The following IGF2BP2 variants were observed in gnomAD, a reference collection of about 807,000 sequenced individuals.
The protein encoded by IGF2BP2 is insulin-like growth factor 2 mRNA-binding protein 2.
A neutral mutation model predicts 75.8 loss-of-function variants in IGF2BP2; 17 were observed. The observed-to-expected ratio is 0.22, with a 90% CI of 0.15 to 0.34. The LOEUF is 0.34. Ranked by LOEUF, IGF2BP2 falls within the 10% of genes least tolerant of loss-of-function variation. IGF2BP2 has a pLI of 1.00. For missense variants in IGF2BP2, 516 were observed against 772.4 expected (o/e 0.67, Z 3.93); for synonymous variants, 288 against 295.6 (o/e 0.97, Z 0.26).
intron 2 of IGF2BP2, among the ~76,000 whole-genome samples, chr3:185,808,160 C>G (rs1012104018): frequency 4.8e-5 from 7 of 147,308 alleles, no homozygotes; most frequent in African/African-American, 1.7e-4. Context: ...AAGAAACAAA[C>G]AAACAAACAA....
chr3:185,678,288 AGTG>A (rs1719856184), intron 7 of IGF2BP2, among the ~76,000 whole-genome samples: 1 of 152,304 alleles, frequency 6.6e-6, no homozygotes, highest in Admixed American at 6.5e-5. Flanking sequence ...GCCAGAAGGG[AGTG>A]GGATGATATA....
intron 2 of IGF2BP2, among the ~76,000 whole-genome samples, chr3:185,728,078 A>G (rs1051001728): frequency 3.9e-5 from 6 of 152,214 alleles, no homozygotes; most frequent in African/African-American, 1.4e-4. Context: ...CACTTCCGTT[A>G]CGTATACCTG....
At chr3:185,739,916 C>T (rs980680483) in intron 2 of IGF2BP2, among the ~76,000 whole-genome samples, 4 of 127,780 alleles carry the variant, frequency 3.1e-5, no homozygotes, top group African/African-American at 1.2e-4. Flanking sequence ...AGTGCAGTGG[C>T]ACAAATGCAG....
At chr3:185,677,068 T>G (rs13073533) in intron 7 of IGF2BP2, among the ~76,000 whole-genome samples, 363 of 35,844 alleles carry the variant, frequency 0.01, 13 homozygotes, top group African/African-American at 0.023. Context: ...TATATATATA[T>G]AGAGAGAGAG....
intron 2 of IGF2BP2, among the ~76,000 whole-genome samples, chr3:185,750,940 G>A (rs938512087): frequency 6.6e-6 from 1 of 152,212 alleles, no homozygotes; most frequent in African/African-American, 2.4e-5. Flanking sequence ...TTCCTGGCTG[G>A]GCGTGGTGGC....
intron 2 of IGF2BP2, among the ~76,000 whole-genome samples, chr3:185,758,527 G>A (rs923064521): frequency 6.6e-6 from 1 of 152,194 alleles, no homozygotes; most frequent in Non-Finnish European, 1.5e-5. Flanking sequence ...TACATGGCAC[G>A]GAGTAGATGT....
intron 1 of IGF2BP2, among the ~76,000 whole-genome samples, chr3:185,823,630 C>T (rs540765598): frequency 3.9e-5 from 6 of 152,028 alleles, no homozygotes; most frequent in African/African-American, 1.2e-4. Context: ...CCTCTCCTCC[C>T]GGTGGCCCCG....
chr3:185,689,739 C>A (rs549252502), intron 5 of IGF2BP2, 112 bp from the exon 6 acceptor site: 3 of 1,201,958 alleles, frequency 2.5e-6, no homozygotes, highest in African/African-American at 3.0e-5. Flanking sequence ...GAGGCCGAGG[C>A]GGGTGGATCA....
At chr3:185,665,169 T>TAAAAAAAA (rs869141172) in intron 10 of IGF2BP2, among the ~76,000 whole-genome samples, 24 of 96,756 alleles carry the variant, frequency 2.5e-4, no homozygotes, top group African/African-American at 9.9e-4. Context: ...CCCTGTTTCT[T>TAAAAAAAA]AAAAAAAAAA....
intron 2 of IGF2BP2, among the ~76,000 whole-genome samples, chr3:185,782,668 T>C (rs981107297): frequency 1.3e-5 from 2 of 152,172 alleles, no homozygotes; most frequent in African/African-American, 4.8e-5. Flanking sequence ...AGACTGTCAA[T>C]TAACAGGCAT....
At chr3:185,802,955 C>G (rs1738483190) in intron 2 of IGF2BP2, among the ~76,000 whole-genome samples, 1 of 152,200 alleles carries the variant, frequency 6.6e-6, no homozygotes, top group Non-Finnish European at 1.5e-5. Flanking sequence ...GTTTGCTAGA[C>G]TCAATCTCAG....
chr3:185,675,230 T>C (rs1189360097), intron 9 of IGF2BP2, 66 bp downstream of exon 9: 3 of 1,540,878 alleles, frequency 1.9e-6, no homozygotes, highest in Non-Finnish European at 2.6e-6. Context: ...CACTTCCTCA[T>C]TAGCTGAATG....
chr3:185,763,643 A>G (rs919711069), intron 2 of IGF2BP2, among the ~76,000 whole-genome samples: 4 of 152,226 alleles, frequency 2.6e-5, no homozygotes, highest in Non-Finnish European at 4.4e-5. Flanking sequence ...CAGAATGGAG[A>G]TAAGACAGAA....
At chr3:185,774,377 C>A (rs182279666) in intron 2 of IGF2BP2, among the ~76,000 whole-genome samples, 4 of 152,012 alleles carry the variant, frequency 2.6e-5, no homozygotes, top group African/African-American at 9.7e-5. Flanking sequence ...GGGCGGATCA[C>A]GAGGTCAGGA....
intron 2 of IGF2BP2, among the ~76,000 whole-genome samples, chr3:185,732,981 T>C (rs1011065828): frequency 4.6e-5 from 7 of 152,170 alleles, no homozygotes; most frequent in Non-Finnish European, 1.0e-4. Flanking sequence ...ACCACAATGT[T>C]CTCTTATCCT....
chr3:185,720,250 C>T (rs752691149), intron 2 of IGF2BP2, among the ~76,000 whole-genome samples: 2 of 152,216 alleles, frequency 1.3e-5, no homozygotes. Context: ...ATTTAAAAAA[C>T]GGCTCTTGCA....
At chr3:185,699,771 T>C (rs1030470314) in intron 2 of IGF2BP2, among the ~76,000 whole-genome samples, 1 of 152,210 alleles carries the variant, frequency 6.6e-6, no homozygotes, top group African/African-American at 2.4e-5. Context: ...TACATAGGTA[T>C]CCTGAAGTAT....
chr3:185,753,265 C>T (rs774199076), intron 2 of IGF2BP2, among the ~76,000 whole-genome samples: 27 of 152,138 alleles, frequency 1.8e-4, no homozygotes, highest in Non-Finnish European at 3.5e-4. Context: ...ACTGTACTTG[C>T]GGAACGGGGT....
intron 2 of IGF2BP2, among the ~76,000 whole-genome samples, chr3:185,816,016 C>A (rs943041702): frequency 2.6e-5 from 4 of 152,148 alleles, no homozygotes; most frequent in African/African-American, 2.4e-5. Flanking sequence ...GAGAAAGATA[C>A]CACCTCTGGG....
Sources: allele counts gnomAD v4.1 joint callset (sites outside exome capture counted in the v4.1 genomes callset), GRCh38; gene constraint gnomAD v4.1.1; transcripts MANE v1.5; gene names NCBI Gene and HGNC (gene_info 2026-07-23, HGNC 2026-07-21).